The following GRK3 variants were observed in gnomAD, a reference collection of about 807,000 sequenced individuals.
GRK3 encodes adrenergic, beta, receptor kinase 2.
GRK3 carries 54 observed loss-of-function variants against 95.7 expected under a neutral mutation model. The observed-to-expected ratio is 0.56, with a 90% CI of 0.45 to 0.71. The LOEUF (loss-of-function observed/expected upper bound fraction) is 0.71, where lower values mean the gene tolerates loss of function less well. Among genes scored for constraint, GRK3 ranks in the 30% least tolerant of loss-of-function variants. The probability of loss-of-function intolerance (pLI) is 0.00; values close to 1 mark genes in which losing one functional copy is unlikely to be tolerated. For synonymous variants in GRK3, 281 were observed against 290.8 expected, an observed-to-expected ratio of 0.97 and a Z score of 0.34; for missense variants, 649 against 851.2, an observed-to-expected ratio of 0.76 and a Z score of 2.96.
At chr22:25,578,736 G>A (rs952274423) in intron 1 of GRK3, among the ~76,000 whole-genome samples, 1 of 152,088 alleles carries the variant, frequency 6.6e-6, no homozygotes, top group African/African-American at 2.4e-5. Context: ...TCTGGAAAAG[G>A]CAAGGAAATG....
intron 2 of GRK3, among the ~76,000 whole-genome samples, chr22:25,622,042 TC>T (rs2084590009): frequency 6.6e-6 from 1 of 152,224 alleles, no homozygotes; most frequent in South Asian, 2.1e-4. Context: ...GCCTTTTTTT[TC>T]TTTAAACCCC....
intron 8 of GRK3, among the ~76,000 whole-genome samples, chr22:25,676,690 CA>C (rs34695269): frequency 1.5e-3 from 179 of 122,988 alleles, no homozygotes; most frequent in Middle Eastern, 4.3e-3. Flanking sequence ...GACTCAGTCT[CA>C]AAAAAAAAAA....
intron 3 of GRK3, among the ~76,000 whole-genome samples, chr22:25,652,832 T>C (rs2084843415): frequency 1.3e-5 from 2 of 152,126 alleles, no homozygotes; most frequent in African/African-American, 4.8e-5. Flanking sequence ...ATTCAAATGG[T>C]AAGTTTGAAT....
At chr22:25,579,504 A>G (rs1470776144) in intron 1 of GRK3, among the ~76,000 whole-genome samples, 1 of 145,074 alleles carries the variant, frequency 6.9e-6, no homozygotes, top group Non-Finnish European at 1.5e-5. Flanking sequence ...ATGGTGTCTC[A>G]CTCTGTCCCC....
intron 5 of GRK3, among the ~76,000 whole-genome samples, chr22:25,666,038 G>C (rs1451193972): frequency 2.0e-5 from 3 of 152,134 alleles, no homozygotes; most frequent in Non-Finnish European, 4.4e-5. Flanking sequence ...CTCTTTTACA[G>C]ATTAAGGGAA....
intron 2 of GRK3, among the ~76,000 whole-genome samples, chr22:25,644,140 T>G (rs2084763115): frequency 6.6e-6 from 1 of 151,676 alleles, no homozygotes; most frequent in Admixed American, 6.6e-5. Context: ...CTGGTGTTTT[T>G]TTTTTTGTTT....
intron 1 of GRK3, among the ~76,000 whole-genome samples, chr22:25,602,066 A>G (rs751740440): frequency 6.6e-6 from 1 of 152,222 alleles, no homozygotes; most frequent in Non-Finnish European, 1.5e-5. Flanking sequence ...AAATCTTAGC[A>G]TCACATAAAT....
chr22:25,584,203 GC>G (rs1932207780), intron 1 of GRK3, among the ~76,000 whole-genome samples: 1 of 152,224 alleles, frequency 6.6e-6, no homozygotes, highest in African/African-American at 2.4e-5. Flanking sequence ...CTGTGGTTTT[GC>G]TTTCAGCAGT....
intron 8 of GRK3, 46 bp downstream of exon 8, chr22:25,674,574 TA>T (rs1024753755): frequency 7.3e-7 from 1 of 1,367,704 alleles, no homozygotes; most frequent in African/African-American, 1.5e-5. Context: ...ATTAAAATTT[TA>T]ATATTTGCAT....
At chr22:25,609,336 CTT>C (rs751467740) in intron 2 of GRK3, among the ~76,000 whole-genome samples, 14 of 141,502 alleles carry the variant, frequency 9.9e-5, no homozygotes, top group Admixed American at 1.4e-4. Context: ...AAAACAGATC[CTT>C]TTTTTTTTTT....
intron 3 of GRK3, among the ~76,000 whole-genome samples, chr22:25,646,989 C>T (rs993865619): frequency 7.8e-6 from 1 of 127,858 alleles, no homozygotes; most frequent in African/African-American, 3.2e-5. Flanking sequence ...CCATTGCACT[C>T]TAGCCTGGGT....
intron 3 of GRK3, chr22:25,649,250 T>A: frequency 1.7e-6 from 2 of 1,143,640 alleles, no homozygotes; most frequent in Non-Finnish European, 2.7e-6. Context: ...AGTAGCCTAT[T>A]TTATATGCTC....
rs747518028 is a variant in GRK3, at chr22:25,695,195, C to G, written c.1141C>G (p.Leu381Val). ...SADWFSLGCM[L>V]FKLLRGHSPF... ...CGACTGGTTCTCCCTGGGCTGCATG[C>G]TTTTCAAACTTCTGAGAGGGTGAGT... The change falls in exon 13 of 21, where the codon CTT becomes GTT. Residue 381 changes from leucine to valine, a missense_variant. Around this residue, in one of 3 missense-constraint regions of GRK3, gnomAD observed 382 missense variants for 493.8 expected, o/e 0.77. Coordinates refer to ENST00000324198, the MANE Select transcript of GRK3 (RefSeq NM_005160.4). The G allele has an allele frequency of 8.7e-6, 14 of 1,614,026 alleles. No homozygotes were observed. Among genetic ancestry groups the G allele is most frequent in the Middle Eastern group, 3.3e-4 (2 of 6,060 alleles).
At chr22:25,595,171 A>G (rs2084364117) in intron 1 of GRK3, among the ~76,000 whole-genome samples, 1 of 152,208 alleles carries the variant, frequency 6.6e-6, no homozygotes, top group Admixed American at 6.5e-5. Context: ...GTCAGGCAAG[A>G]GAAAAAATAG....
chr22:25,681,502 G>T (rs1027201669), intron 9 of GRK3, among the ~76,000 whole-genome samples: 2 of 152,064 alleles, frequency 1.3e-5, no homozygotes, highest in Non-Finnish European at 1.5e-5. Flanking sequence ...CTGCGGTGGT[G>T]GGGGGAGTCG....
At chr22:25,596,630 C>T (rs1455899022) in intron 1 of GRK3, among the ~76,000 whole-genome samples, 2 of 152,200 alleles carry the variant, frequency 1.3e-5, no homozygotes, top group Non-Finnish European at 2.9e-5. Context: ...ATTCTATGCA[C>T]TGTTACAATT....
At chr22:25,718,928 G>GA (rs893033648) in intron 19 of GRK3, among the ~76,000 whole-genome samples, 13 of 151,640 alleles carry the variant, frequency 8.6e-5, no homozygotes, top group South Asian at 4.2e-4. Context: ...AACTAATACA[G>GA]AAAAAAAACA....
At chr22:25,611,082 G>A (rs1192622986) in intron 2 of GRK3, among the ~76,000 whole-genome samples, 1 of 152,046 alleles carries the variant, frequency 6.6e-6, no homozygotes, top group Non-Finnish European at 1.5e-5. Flanking sequence ...GGCTGGTCTC[G>A]AACTCCTGAC....
chr22:25,649,200 A>G, intron 3 of GRK3: 5 of 1,315,776 alleles, frequency 3.8e-6, no homozygotes, highest in Middle Eastern at 1.9e-4. Context: ...CTTCACTGCT[A>G]CAGAGCCATA....
Sources: allele counts gnomAD v4.1 joint callset (sites outside exome capture counted in the v4.1 genomes callset), GRCh38; gene constraint gnomAD v4.1.1; regional missense constraint gnomAD v4.1.1; transcripts MANE v1.5; gene names NCBI Gene and HGNC (gene_info 2026-07-23, HGNC 2026-07-21).